KIAA0825: variants seen among roughly 807,000 people sequenced by gnomAD.
The protein encoded by KIAA0825 is uncharacterized protein KIAA0825.
In KIAA0825, 119 loss-of-function variants were observed where a neutral mutation model predicts 147.6. That is an observed-to-expected ratio of 0.81 (90% CI 0.69 to 0.94). The LOEUF is 0.94. Among genes scored for constraint, KIAA0825 ranks in the 40% least tolerant of loss-of-function variants. The pLI, the probability that KIAA0825 is intolerant of heterozygous loss-of-function variation, is 0.00. For missense variants in KIAA0825, 1,381 were observed against 1,472.7 expected (o/e 0.94, Z 1.02); for synonymous variants, 470 against 518.1 (o/e 0.91, Z 1.26).
chr5:94,156,728 A>G (rs1285734801), intron 20 of KIAA0825, among the ~76,000 whole-genome samples: 1 of 152,144 alleles, frequency 6.6e-6, no homozygotes. Flanking sequence ...ACTTTATTAT[A>G]TTTGCTTTGT....
chr5:94,594,095 T>C (rs1654096156), intron 1 of KIAA0825: 1 of 543,880 alleles, frequency 1.8e-6, no homozygotes, highest in Admixed American at 1.9e-5. Context: ...CTTATGTTAG[T>C]GTTTCTTGGT....
chr5:94,366,634 G>T (rs976837522), intron 20 of KIAA0825, among the ~76,000 whole-genome samples: 1 of 152,126 alleles, frequency 6.6e-6, no homozygotes, highest in African/African-American at 2.4e-5. Context: ...CTAAATACCT[G>T]CTAAAGGTTA....
chr5:94,521,034 G>T, intron 4 of KIAA0825, 117 bp from the exon 5 acceptor site: 3 of 914,522 alleles, frequency 3.3e-6, no homozygotes, highest in South Asian at 2.1e-5. Context: ...AATTCCTTAA[G>T]ATTTTATTTT....
chr5:94,449,021 A>AG (rs1435464540), intron 13 of KIAA0825, among the ~76,000 whole-genome samples: 1 of 152,132 alleles, frequency 6.6e-6, no homozygotes, highest in Non-Finnish European at 1.5e-5. Context: ...CCTAATGGGC[A>AG]GGGGGGATAT....
At chr5:94,501,250 C>T (rs1299921022) in intron 5 of KIAA0825, among the ~76,000 whole-genome samples, 5 of 152,026 alleles carry the variant, frequency 3.3e-5, no homozygotes, top group Non-Finnish European at 5.9e-5. Flanking sequence ...CTCGTCAGTA[C>T]AATACTATAA....
intron 18 of KIAA0825, 73 bp downstream of exon 18, chr5:94,391,462 C>A: frequency 6.8e-7 from 1 of 1,461,966 alleles, no homozygotes; most frequent in South Asian, 1.2e-5. Context: ...CCTTGACTAA[C>A]CCTTAGCTGC....
chr5:94,587,363 A>G (rs950019798), intron 1 of KIAA0825, among the ~76,000 whole-genome samples: 3 of 152,216 alleles, frequency 2.0e-5, no homozygotes. Context: ...TACAAAATCA[A>G]TGTGCAAAAA....
At chr5:94,213,943 A>G (rs1457437969) in intron 20 of KIAA0825, among the ~76,000 whole-genome samples, 1 of 152,196 alleles carries the variant, frequency 6.6e-6, no homozygotes, top group African/African-American at 2.4e-5. Context: ...AGACTCCAGG[A>G]TGATAGGAAC....
intron 20 of KIAA0825, among the ~76,000 whole-genome samples, chr5:94,336,367 C>T (rs1434665467): frequency 1.3e-5 from 2 of 151,784 alleles, no homozygotes; most frequent in Non-Finnish European, 2.9e-5. Flanking sequence ...CCCATCAACC[C>T]GTCATCTACA....
At chr5:94,445,612 A>T (rs138674412) in intron 13 of KIAA0825, among the ~76,000 whole-genome samples, 18 of 152,332 alleles carry the variant, frequency 1.2e-4, no homozygotes, top group African/African-American at 4.1e-4. Context: ...AAACTCAACG[A>T]GTATGCAAAC....
At chr5:94,392,423 T>C (rs1456393440) in intron 17 of KIAA0825, among the ~76,000 whole-genome samples, 1 of 152,228 alleles carries the variant, frequency 6.6e-6, no homozygotes, top group East Asian at 1.9e-4. Context: ...ATATACATAT[T>C]GTTGATTTTG....
At chr5:94,344,569 C>G (rs1320923606) in intron 20 of KIAA0825, among the ~76,000 whole-genome samples, 1 of 152,070 alleles carries the variant, frequency 6.6e-6, no homozygotes, top group Non-Finnish European at 1.5e-5. Context: ...ACCCAAACGA[C>G]TGAGAGCAAG....
intron 20 of KIAA0825, among the ~76,000 whole-genome samples, chr5:94,363,493 G>A (rs1016730138): frequency 4.6e-5 from 7 of 152,142 alleles, no homozygotes; most frequent in Non-Finnish European, 1.0e-4. Context: ...ATTATAAGGT[G>A]AGGCAGAGCA....
intron 20 of KIAA0825, among the ~76,000 whole-genome samples, chr5:94,193,599 A>C (rs1770869855): frequency 6.6e-6 from 1 of 152,228 alleles, no homozygotes; most frequent in Non-Finnish European, 1.5e-5. Flanking sequence ...GCAAATACTT[A>C]CATTGCACTG....
At chr5:94,395,473 AT>A (rs576367804) in intron 17 of KIAA0825, among the ~76,000 whole-genome samples, 140 of 152,246 alleles carry the variant, frequency 9.2e-4, no homozygotes, top group African/African-American at 3.1e-3. Context: ...GGAGGACTCT[AT>A]GTACATATTT....
intron 20 of KIAA0825, among the ~76,000 whole-genome samples, chr5:94,268,089 G>T (rs1048965611): frequency 2.0e-5 from 3 of 152,020 alleles, no homozygotes; most frequent in African/African-American, 7.3e-5. Flanking sequence ...AAAAACAGAA[G>T]CAAGATTATT....
intron 14 of KIAA0825, among the ~76,000 whole-genome samples, chr5:94,431,026 T>G (rs1051099079): frequency 3.3e-5 from 5 of 152,146 alleles, no homozygotes; most frequent in African/African-American, 1.2e-4. Context: ...ACTCTTTAAA[T>G]GTATGCTTAC....
chr5:94,380,106 G>C (rs1187750218), intron 20 of KIAA0825, among the ~76,000 whole-genome samples: 1 of 151,996 alleles, frequency 6.6e-6, no homozygotes. Context: ...ACCCGCCTCA[G>C]CCTCCCAAAG....
At chr5:94,192,871 T>G (rs1054104530) in intron 20 of KIAA0825, among the ~76,000 whole-genome samples, 5 of 152,212 alleles carry the variant, frequency 3.3e-5, no homozygotes, top group African/African-American at 1.2e-4. Context: ...TGGCTTTCTC[T>G]GCTTTTAGAG....
Sources: gnomAD v4.1 joint callset for allele counts (sites outside exome capture counted in the v4.1 genomes callset) on GRCh38, gnomAD v4.1.1 for gene constraint, MANE v1.5 for transcripts, NCBI Gene and HGNC (gene_info 2026-07-23, HGNC 2026-07-21) for gene names.